Variants in LANCL3 observed in about 807,000 individuals in gnomAD.
LANCL3 encodes LanC like family member 3, also known as lanC-like protein 3.
A neutral mutation model predicts 26.5 loss-of-function variants in LANCL3; 19 were observed. The ratio of observed to expected loss-of-function variants is 0.72; its 90% CI spans 0.50 to 1.05. The LOEUF (loss-of-function observed/expected upper bound fraction) is 1.05. Among genes scored for constraint, LANCL3 ranks in the 50% least tolerant of loss-of-function variants. The pLI, the probability that LANCL3 is intolerant of heterozygous loss-of-function variation, is 0.00. For missense variants in LANCL3, 318 were observed against 362.7 expected (o/e 0.88, Z 1.00); for synonymous variants, 160 against 166.6 (o/e 0.96, Z 0.30).
intron 1 of LANCL3, among the ~76,000 whole-genome samples, chrX:37,594,844 C>G (rs374252113): frequency 9.0e-6 from 1 of 111,170 alleles, no homozygotes; most frequent in Admixed American, 9.6e-5. Flanking sequence ...GGGGGTCATT[C>G]AAGTACAGGT....
intron 1 of LANCL3, among the ~76,000 whole-genome samples, chrX:37,603,118 G>A (rs782414811): frequency 1.7e-4 from 19 of 112,305 alleles, no homozygotes; most frequent in Admixed American, 6.6e-4. Context: ...GGCCATTTTC[G>A]ATAGATCTTG....
At chrX:37,600,615 G>C (rs1239860960) in intron 1 of LANCL3, among the ~76,000 whole-genome samples, 1 of 112,068 alleles carries the variant, frequency 8.9e-6, no homozygotes, top group African/African-American at 3.3e-5. Flanking sequence ...GCCTTTCACT[G>C]GGATGGGAAT....
At chrX:37,636,489 C>T (rs1925708307) in intron 1 of LANCL3, among the ~76,000 whole-genome samples, 1 of 112,387 alleles carries the variant, frequency 8.9e-6, no homozygotes, top group Non-Finnish European at 1.9e-5. Flanking sequence ...GAAAAAATAA[C>T]TTTTTAAAAA....
At chrX:37,633,328 G>C (rs1319573052) in intron 1 of LANCL3, among the ~76,000 whole-genome samples, 1 of 110,828 alleles carries the variant, frequency 9.0e-6, no homozygotes. Context: ...TTATACATTC[G>C]TCTAAATTTT....
At position 37,681,585 on chromosome X, in the gene LANCL3, G is replaced by T. The variant is rs782100079; in HGVS notation, c.*5772G>T. ...AAAAATTTAATCTGTGATTAAATAA[G>T]TTAGGAAAGTTTTATTATTTTACCC... On this transcript the variant is annotated 3_prime_UTR_variant, in exon 5 of 5. Coordinates refer to ENST00000378619, the MANE Select transcript of LANCL3 (RefSeq NM_001170331.2). 2 of 112,283 alleles carry T rather than the reference G, an allele frequency of 1.8e-5. No homozygotes were observed. Among genetic ancestry groups the T allele is most frequent in the African/African-American group, 6.5e-5 (2 of 30,886 alleles). 9.3% of individuals were successfully genotyped at this position (112,283 alleles called of 1,213,427 possible). A position where few individuals can be genotyped will look rare whatever the true frequency, so the allele number is the denominator to read the frequency against.
In LANCL3 at chrX:37,572,136, G is replaced by A; in HGVS notation, c.266G>A (p.Arg89Gln). 8.4e-7 allele frequency: 1 copy of A among 1,194,912 alleles called. No homozygotes were observed. Among genetic ancestry groups the A allele is most frequent in the Non-Finnish European group, 1.1e-6 (1 of 892,412 alleles). The change falls in exon 1 of 5, where the codon CGG (arginine) becomes CAG (glutamine). Residue 89 changes from arginine (R) to glutamine (Q), a missense_variant. Coordinates refer to ENST00000378619, the MANE Select transcript of LANCL3 (RefSeq NM_001170331.2). ...CAGAGCCCGCTTTTCGCCACGGCCC[G>A]GGAACGCTACCTGCGCTCGGCTAAG... ...VSQSPLFATA[R>Q]ERYLRSAKRL...
At chrX:37,597,321 G>A (rs1476845997) in intron 1 of LANCL3, among the ~76,000 whole-genome samples, 4 of 112,017 alleles carry the variant, frequency 3.6e-5, no homozygotes, top group African/African-American at 1.3e-4. Flanking sequence ...GATCATTTGT[G>A]TACAGGTTTT....
intron 4 of LANCL3, chrX:37,668,526 T>C: frequency 8.0e-6 from 2 of 251,246 alleles, no homozygotes; most frequent in Non-Finnish European, 1.6e-5. Flanking sequence ...AGTAGGGGCT[T>C]CCCTGAATGC....
intron 1 of LANCL3, among the ~76,000 whole-genome samples, chrX:37,626,191 G>C (rs1157424011): frequency 1.8e-5 from 2 of 112,262 alleles, no homozygotes; most frequent in Non-Finnish European, 3.8e-5. Context: ...CAAGCTACTA[G>C]CTTCTCAGAA....
chrX:37,657,038 G>A (rs1363759953), intron 2 of LANCL3, among the ~76,000 whole-genome samples: 2 of 112,756 alleles, frequency 1.8e-5, no homozygotes, highest in African/African-American at 6.4e-5. Context: ...GACAACTGAG[G>A]CTCAGTTCCC....
intron 1 of LANCL3, among the ~76,000 whole-genome samples, chrX:37,621,202 C>T (rs56141701): frequency 0.049 from 5,532 of 112,193 alleles, 230 homozygotes; most frequent in African/African-American, 0.14. Flanking sequence ...CCTCAGTTTG[C>T]AATATTTGTG....
intron 1 of LANCL3, among the ~76,000 whole-genome samples, chrX:37,603,608 A>G (rs1924629667): frequency 8.9e-6 from 1 of 112,204 alleles, no homozygotes; most frequent in Non-Finnish European, 1.9e-5. Flanking sequence ...TTTGTATCTC[A>G]TTTTAAGATC....
chrX:37,582,710 A>T (rs1488999083), intron 1 of LANCL3, among the ~76,000 whole-genome samples: 6 of 110,761 alleles, frequency 5.4e-5, no homozygotes, highest in African/African-American at 2.0e-4. Context: ...TAGATTCTGG[A>T]TATTAGCCCT....
rs530557331 is a variant in LANCL3, at chrX:37,605,753, C to T, written c.573+33310C>T. Reference sequence around the variant, plus strand: ...CTCCTTCAGGTATTCAATACAATGACACCTTTTTGACGAGACCTACATGGA... The same window carrying T: ...CTCCTTCAGGTATTCAATACAATGATACCTTTTTGACGAGACCTACATGGA... On this transcript the variant is annotated intron_variant, in intron 1 of 4. Coordinates refer to ENST00000378619, the MANE Select transcript of LANCL3 (RefSeq NM_001170331.2). Among the ~76,000 whole-genome samples, 16 of 111,340 alleles carry T rather than the reference C, an allele frequency of 1.4e-4. No individual in the cohort carries two copies. The South Asian group carries it at 3.1e-3, about 21-fold the overall frequency.
intron 1 of LANCL3, among the ~76,000 whole-genome samples, chrX:37,631,584 C>G (rs1416376457): frequency 9.0e-6 from 1 of 110,910 alleles, no homozygotes; most frequent in African/African-American, 3.3e-5. Flanking sequence ...CTCTTGTGGG[C>G]ATTTAGTCCT....
At chrX:37,574,635 G>A (rs1204333126) in intron 1 of LANCL3, among the ~76,000 whole-genome samples, 1 of 111,468 alleles carries the variant, frequency 9.0e-6, no homozygotes, top group Non-Finnish European at 1.9e-5. Flanking sequence ...TCAACATACT[G>A]CAGTGGCTCC....
intron 1 of LANCL3, among the ~76,000 whole-genome samples, chrX:37,624,328 CAT>C (rs1275022385): frequency 2.7e-5 from 3 of 111,788 alleles, no homozygotes; most frequent in Non-Finnish European, 3.8e-5. Context: ...ATAATCTTTG[CAT>C]ATGTTTTAAG....
chrX:37,639,700 G>T (rs1556425731), intron 1 of LANCL3, among the ~76,000 whole-genome samples: 1 of 111,541 alleles, frequency 9.0e-6, no homozygotes, highest in Non-Finnish European at 1.9e-5. Flanking sequence ...GATTTGCTAT[G>T]CAAAGCCCTG....
Position 37,615,336 on chromosome X carries a change from T to C in LANCL3, c.574-40352T>C, listed in dbSNP as rs146860098. ...GACCACATTTTGAGAGGCAAGAACA[T>C]AACTTATGAGATAATTTCTATTATT... On this transcript the variant is annotated intron_variant, in intron 1 of 4. Transcript: ENST00000378619. Among the ~76,000 whole-genome samples, 502 of 112,243 alleles carry C rather than the reference T, an allele frequency of 4.5e-3. 3 individuals are homozygous for C. Among genetic ancestry groups the C allele is most frequent in the African/African-American group, 0.016 (491 of 30,917 alleles).
Sources: allele counts gnomAD v4.1 joint callset (sites outside exome capture counted in the v4.1 genomes callset), GRCh38; gene constraint gnomAD v4.1.1; transcripts MANE v1.5; gene names NCBI Gene and HGNC (gene_info 2026-07-23, HGNC 2026-07-21).